The following STXBP5L variants were observed in gnomAD, a reference collection of about 807,000 sequenced individuals.
STXBP5L encodes syntaxin binding protein 5L.
Under a neutral mutation model 144.5 loss-of-function variants are expected in STXBP5L, and 65 were observed. The observed-to-expected ratio is 0.45, with a 90% confidence interval of 0.37 to 0.55. The LOEUF is 0.55. Ranked by LOEUF, STXBP5L falls within the 20% of genes least tolerant of loss-of-function variation. The pLI is 0.00. For missense variants in STXBP5L, 1,298 were observed against 1,405.5 expected (o/e 0.92, Z 1.22); for synonymous variants, 505 against 469.6 (o/e 1.08, Z -0.97).
chr3:121,354,690 C>T (rs950799842), intron 20 of STXBP5L, among the ~76,000 whole-genome samples: 1 of 151,978 alleles, frequency 6.6e-6, no homozygotes, highest in Non-Finnish European at 1.5e-5. Context: ...AGCCCATTTA[C>T]ATTTAAGGTT....
intron 3 of STXBP5L, among the ~76,000 whole-genome samples, chr3:121,004,536 C>A (rs1292027235): frequency 1.3e-5 from 2 of 151,760 alleles, no homozygotes; most frequent in Admixed American, 6.6e-5. Flanking sequence ...ATTGAATACC[C>A]TTTATTTCCT....
intron 9 of STXBP5L, among the ~76,000 whole-genome samples, chr3:121,189,410 G>A (rs2047542026): frequency 6.6e-6 from 1 of 152,198 alleles, no homozygotes; most frequent in South Asian, 2.1e-4. Context: ...AAAGTGTAAG[G>A]AAGGGATCCA....
At chr3:121,267,362 A>C (rs1212894711) in intron 18 of STXBP5L, among the ~76,000 whole-genome samples, 1 of 152,248 alleles carries the variant, frequency 6.6e-6, no homozygotes, top group Non-Finnish European at 1.5e-5. Flanking sequence ...AGCCATATGC[A>C]GAAAACTGAA....
chr3:121,163,841 A>G (rs377427976), intron 9 of STXBP5L, among the ~76,000 whole-genome samples: 5 of 152,222 alleles, frequency 3.3e-5, no homozygotes, highest in African/African-American at 1.2e-4. Flanking sequence ...ACTCCAAAAG[A>G]GAATGTTAAA....
chr3:121,053,563 C>G (rs558516431), intron 5 of STXBP5L, among the ~76,000 whole-genome samples: 1 of 152,250 alleles, frequency 6.6e-6, no homozygotes, highest in Admixed American at 6.5e-5. Flanking sequence ...ATTTGGATCC[C>G]TTACACCTTA....
chr3:121,028,069 C>T (rs959499280), intron 3 of STXBP5L, among the ~76,000 whole-genome samples: 9 of 152,068 alleles, frequency 5.9e-5, no homozygotes, highest in Non-Finnish European at 1.2e-4. Context: ...TCAGAAATCA[C>T]ATACGCAATA....
intron 3 of STXBP5L, among the ~76,000 whole-genome samples, chr3:121,025,604 A>G (rs889670626): frequency 1.7e-4 from 26 of 151,782 alleles, no homozygotes; most frequent in Non-Finnish European, 1.9e-4. Context: ...TTAATTTTTA[A>G]CTGTCTAAAT....
intron 5 of STXBP5L, among the ~76,000 whole-genome samples, chr3:121,090,070 A>T (rs1035436126): frequency 6.6e-6 from 1 of 152,034 alleles, no homozygotes; most frequent in Non-Finnish European, 1.5e-5. Context: ...GCTAGTAACT[A>T]TTGCCTTTTT....
intron 9 of STXBP5L, among the ~76,000 whole-genome samples, chr3:121,176,643 A>T (rs1325489999): frequency 6.6e-6 from 1 of 151,932 alleles, no homozygotes; most frequent in African/African-American, 2.4e-5. Context: ...TATGAAATAA[A>T]AATCAACTGA....
intron 3 of STXBP5L, among the ~76,000 whole-genome samples, chr3:120,958,302 G>C (rs1219255321): frequency 3.9e-5 from 6 of 152,172 alleles, no homozygotes; most frequent in Admixed American, 3.9e-4. Context: ...GGACCAGATG[G>C]ATTCACAGCC....
At chr3:121,125,491 G>T (rs1368840083) in intron 7 of STXBP5L, among the ~76,000 whole-genome samples, 1 of 151,822 alleles carries the variant, frequency 6.6e-6, no homozygotes, top group East Asian at 1.9e-4. Flanking sequence ...TCAAGATAAT[G>T]TCATAGAATC....
rs1030285229 is a variant in STXBP5L, at chr3:120,970,084, C to A, written c.287+15047C>A. On this transcript the variant is annotated intron_variant, in intron 3 of 26. Transcript: ENST00000471454. ...GAAAACCAAACCCTACCCTTTAACACCCCCCCAATAATTTGATTTATTGGT... is the reference window on the plus strand; with the variant it reads ...GAAAACCAAACCCTACCCTTTAACAACCCCCCAATAATTTGATTTATTGGT... Among the ~76,000 whole-genome samples, 4 of 151,790 alleles carry A rather than the reference C, an allele frequency of 2.6e-5. No individual in the cohort carries two copies. The East Asian group carries it at 5.8e-4, about 22-fold the overall frequency.
chr3:120,999,595 C>T (rs1416569446), intron 3 of STXBP5L, among the ~76,000 whole-genome samples: 1 of 150,096 alleles, frequency 6.7e-6, no homozygotes, highest in Non-Finnish European at 1.5e-5. Flanking sequence ...TGACATGTGC[C>T]AATTTGATCC....
At chr3:121,094,384 C>T (rs900973937) in intron 5 of STXBP5L, among the ~76,000 whole-genome samples, 3 of 151,820 alleles carry the variant, frequency 2.0e-5, no homozygotes, top group East Asian at 3.9e-4. Flanking sequence ...TTAAAGTCTC[C>T]CATTATTATT....
chr3:121,413,285 C>A lies in STXBP5L; in HGVS notation c.3076C>A (p.Arg1026=). The A allele has an allele frequency of 6.3e-7, 1 of 1,593,658 alleles. No homozygotes were observed. Among genetic ancestry groups the A allele is most frequent in the Non-Finnish European group, 8.5e-7 (1 of 1,172,422 alleles). The change falls in exon 24 of 27, where the codon CGG becomes AGG. Residue 1026 remains arginine (R), a synonymous_variant. Transcript: ENST00000471454. ...LYLVSPTEIQ[R]LTYSQEMCDN... ...CCTCGTCTCTCCTACTGAAATTCAG[C>A]GGTTAACATACAGCCAAGAAATGTG...
chr3:121,306,905 A>G (rs550230680), intron 19 of STXBP5L, among the ~76,000 whole-genome samples: 2 of 152,318 alleles, frequency 1.3e-5, no homozygotes, highest in Admixed American at 1.3e-4. Flanking sequence ...TTGAAAAACA[A>G]TAAAATAATA....
intron 5 of STXBP5L, among the ~76,000 whole-genome samples, chr3:121,107,409 G>T (rs923659094): frequency 6.6e-6 from 1 of 152,022 alleles, no homozygotes; most frequent in East Asian, 1.9e-4. Context: ...TTAAGGAAGG[G>T]ATCCAGTTTC....
intron 5 of STXBP5L, among the ~76,000 whole-genome samples, chr3:121,077,412 G>T (rs1220543442): frequency 6.6e-6 from 1 of 152,128 alleles, no homozygotes; most frequent in African/African-American, 2.4e-5. Context: ...GATGTGTTCG[G>T]AGTTTCTTCC....
At chr3:121,251,406 A>G (rs962133032) in intron 15 of STXBP5L, among the ~76,000 whole-genome samples, 3 of 152,180 alleles carry the variant, frequency 2.0e-5, no homozygotes, top group Admixed American at 1.3e-4. Flanking sequence ...TCTGTTTGCT[A>G]TCAGAAATGG....
Sources: allele counts gnomAD v4.1 joint callset (sites outside exome capture counted in the v4.1 genomes callset), GRCh38; gene constraint gnomAD v4.1.1; transcripts MANE v1.5; gene names NCBI Gene and HGNC (gene_info 2026-07-23, HGNC 2026-07-21).